Variants in CCDC171 observed in about 807,000 individuals in gnomAD.
The protein encoded by CCDC171 is coiled-coil domain containing 171, also known as coiled-coil domain-containing protein 171.
A neutral mutation model predicts 168.2 loss-of-function variants in CCDC171; 177 were observed. That is an observed-to-expected ratio of 1.05 (90% CI 0.93 to 1.19). CCDC171 has a LOEUF of 1.19. Ranked by LOEUF, CCDC171 falls within the 50% of genes most tolerant of loss-of-function variation. The pLI is 0.00. For missense variants in CCDC171, 1,991 were observed against 1,539.0 expected, an observed-to-expected ratio of 1.29 and a Z score of -4.91; for synonymous variants, 687 against 540.8, an observed-to-expected ratio of 1.27 and a Z score of -3.75.
chr9:15,819,781 C>T (rs146660465), intron 21 of CCDC171, among the ~76,000 whole-genome samples: 2,401 of 116,408 alleles, frequency 0.021, 710 homozygotes, highest in African/African-American at 0.072. Context: ...GACAGATCAA[C>T]GAGACAGAAA....
At chr9:15,710,978 A>G (rs761313501) in intron 11 of CCDC171, among the ~76,000 whole-genome samples, 1 of 151,848 alleles carries the variant, frequency 6.6e-6, no homozygotes, top group Non-Finnish European at 1.5e-5. Flanking sequence ...CACAGCCTGC[A>G]TTTTTCTGAT....
intron 1 of CCDC171, among the ~76,000 whole-genome samples, chr9:15,555,176 A>G (rs548507264): frequency 1.3e-5 from 2 of 152,226 alleles, no homozygotes; most frequent in Non-Finnish European, 2.9e-5. Context: ...TTACCCTTTT[A>G]TCTATTTTTA....
chr9:15,599,794 G>A lies in CCDC171; in HGVS notation c.675+5622G>A, dbSNP rs147742306. Reference sequence around the variant, plus strand: ...TCACTTTCAGGTACACCCATCAGACGTAGATTTGGTCTTTTCACATAGCCC... The same window carrying A: ...TCACTTTCAGGTACACCCATCAGACATAGATTTGGTCTTTTCACATAGCCC... On this transcript the variant is annotated intron_variant, in intron 6 of 25. Coordinates refer to ENST00000380701, the MANE Select transcript of CCDC171 (RefSeq NM_173550.4). 4.9e-3 allele frequency among the ~76,000 whole-genome samples: 748 copies of A among 152,268 alleles called. 10 individuals are homozygous for A. Among genetic ancestry groups the A allele is most frequent in the African/African-American group, 0.017 (706 of 41,554 alleles).
chr9:15,599,996 C>T (rs544467513), intron 6 of CCDC171, among the ~76,000 whole-genome samples: 2 of 151,846 alleles, frequency 1.3e-5, no homozygotes, highest in East Asian at 1.9e-4. Context: ...TTTTCAGCTC[C>T]GTCAGGTCCT....
At chr9:16,105,455 C>T in the CCDC171 span, among the ~76,000 whole-genome samples, 3 of 152,098 alleles carry the variant, frequency 2.0e-5, no homozygotes, top group Admixed American at 1.3e-4. Context: ...GTCCAGCACC[C>T]CCCCCTTCTC....
At chr9:15,981,691 A>G (rs376754708) in intron 3 of CCDC171, among the ~76,000 whole-genome samples, 13 of 152,252 alleles carry the variant, frequency 8.5e-5, no homozygotes, top group African/African-American at 3.1e-4. Flanking sequence ...AAACTGGGAG[A>G]TTCTTACTAC....
chr9:15,802,721 C>A (rs1347626054), intron 21 of CCDC171, among the ~76,000 whole-genome samples: 1 of 152,022 alleles, frequency 6.6e-6, no homozygotes, highest in African/African-American at 2.4e-5. Flanking sequence ...TGAACATATG[C>A]ATGCATGTGC....
In CCDC171 at chr9:15,729,743, A is replaced by G; in HGVS notation, c.1994A>G (p.Lys665Arg). 6.2e-7 allele frequency: 1 copy of G among 1,613,462 alleles called. No individual in the cohort carries two copies. Among genetic ancestry groups the G allele is most frequent in the Non-Finnish European group, 8.5e-7 (1 of 1,179,510 alleles). Reference sequence around the variant, plus strand: ...GAGAGCTGCTGGCACAGACAAAAGAAGGAACTAGAGCTGCAGTATTCTGAA... The same window carrying G: ...GAGAGCTGCTGGCACAGACAAAAGAGGGAACTAGAGCTGCAGTATTCTGAA... ...AQESCWHRQK[K>R]ELELQYSELF... Residue 665 changes from lysine to arginine, a missense_variant, in exon 16 of 26, where the codon AAG (lysine) becomes AGG (arginine). Transcript: ENST00000380701.
chr9:15,913,671 A>G (rs767393684), intron 24 of CCDC171, among the ~76,000 whole-genome samples: 4 of 151,988 alleles, frequency 2.6e-5, no homozygotes, highest in African/African-American at 9.7e-5. Context: ...TTTTCCATCC[A>G]GTTTTGTTTC....
chr9:15,784,737 T>A, intron 21 of CCDC171, 43 bp downstream of exon 21: 1 of 1,419,588 alleles, frequency 7.0e-7, no homozygotes, highest in Non-Finnish European at 9.8e-7. Flanking sequence ...ATATTTTATC[T>A]ATGTGTGGAT....
chr9:15,712,133 C>T (rs1367277150), intron 11 of CCDC171, among the ~76,000 whole-genome samples: 1 of 152,204 alleles, frequency 6.6e-6, no homozygotes, highest in East Asian at 1.9e-4. Context: ...CTTTCTTACT[C>T]AGGGTTTTAT....
At chr9:16,015,955 T>C (rs1833003212) in intron 3 of CCDC171, among the ~76,000 whole-genome samples, 1 of 152,262 alleles carries the variant, frequency 6.6e-6, no homozygotes, top group Admixed American at 6.5e-5. Flanking sequence ...ATTTCATTTA[T>C]TTTTAAGGCT....
intron 25 of CCDC171, among the ~76,000 whole-genome samples, chr9:15,961,023 A>T (rs896640507): frequency 2.6e-5 from 4 of 152,194 alleles, no homozygotes; most frequent in African/African-American, 9.6e-5. Context: ...GCAAAAAAAA[A>T]TGGGTTTCAA....
chr9:15,976,475 A>G (rs1831622653), downstream of CCDC171, among the ~76,000 whole-genome samples: 2 of 152,072 alleles, frequency 1.3e-5, no homozygotes, highest in Non-Finnish European at 2.9e-5. Flanking sequence ...TTCAATGTAT[A>G]TTTTAATTCC....
the CCDC171 span, among the ~76,000 whole-genome samples, chr9:16,089,530 A>C: frequency 6.6e-6 from 1 of 151,626 alleles, no homozygotes; most frequent in African/African-American, 2.4e-5. Context: ...TTAAGTCTAT[A>C]ATCTATCTTG....
At chr9:15,864,141 T>A (rs1282104493) in intron 23 of CCDC171, among the ~76,000 whole-genome samples, 1 of 152,002 alleles carries the variant, frequency 6.6e-6, no homozygotes, top group Admixed American at 6.6e-5. Flanking sequence ...TGAAAAAAGC[T>A]AATTCTGACC....
intron 23 of CCDC171, among the ~76,000 whole-genome samples, chr9:15,864,161 C>T (rs1352914385): frequency 6.6e-6 from 1 of 151,682 alleles, no homozygotes; most frequent in African/African-American, 2.4e-5. Flanking sequence ...CTTTTTTTGC[C>T]AGTTTATTTG....
chr9:15,854,004 G>GT (rs201544895), intron 23 of CCDC171, among the ~76,000 whole-genome samples: 4,891 of 135,590 alleles, frequency 0.036, 187 homozygotes, highest in African/African-American at 0.098. Context: ...GGTTTGCTAG[G>GT]TTTTTTTTTT....
intron 6 of CCDC171, among the ~76,000 whole-genome samples, chr9:16,030,535 T>C (rs1833349448): frequency 1.3e-5 from 2 of 152,174 alleles, no homozygotes; most frequent in Admixed American, 6.5e-5. Flanking sequence ...TGGGTTTAGA[T>C]TGAGAATATG....
Sources: allele counts gnomAD v4.1 joint callset (sites outside exome capture counted in the v4.1 genomes callset), GRCh38; gene constraint gnomAD v4.1.1; transcripts MANE v1.5; gene names NCBI Gene and HGNC (gene_info 2026-07-23, HGNC 2026-07-21).